Variants in KCNH7 observed in about 807,000 individuals in gnomAD.
The protein encoded by KCNH7 is voltage-gated inwardly rectifying potassium channel KCNH7.
In KCNH7, 49 loss-of-function variants were observed where a neutral mutation model predicts 120.8. The ratio of observed to expected loss-of-function variants is 0.41; its 90% confidence interval spans 0.32 to 0.51. The LOEUF is 0.51. Among genes scored for constraint, KCNH7 ranks in the 20% least tolerant of loss-of-function variants. KCNH7 has a pLI of 0.38. For missense variants in KCNH7, 1,097 were observed against 1,446.6 expected (o/e 0.76, Z 3.92); for synonymous variants, 547 against 516.1 (o/e 1.06, Z -0.81).
chr2:162,451,078 T>A (rs1409541305), intron 6 of KCNH7, among the ~76,000 whole-genome samples: 1 of 152,054 alleles, frequency 6.6e-6, no homozygotes. Context: ...AATTCTACAA[T>A]CTGGGTTTGA....
chr2:162,524,259 C>T (rs1431192989), intron 3 of KCNH7, among the ~76,000 whole-genome samples: 1 of 152,028 alleles, frequency 6.6e-6, no homozygotes, highest in African/African-American at 2.4e-5. Context: ...CAGAATTCTG[C>T]CAAATTGAAG....
At chr2:162,609,698 A>G (rs1682895870) in intron 2 of KCNH7, among the ~76,000 whole-genome samples, 1 of 152,018 alleles carries the variant, frequency 6.6e-6, no homozygotes, top group Non-Finnish European at 1.5e-5. Context: ...TTTTGAAGGG[A>G]GAGTTGGCAG....
At chr2:162,735,257 G>A (rs533679824) in intron 2 of KCNH7, among the ~76,000 whole-genome samples, 145 of 152,238 alleles carry the variant, frequency 9.5e-4, no homozygotes, top group Non-Finnish European at 2.0e-3. Context: ...GCTATGAGAG[G>A]AATTCACTTC....
intron 9 of KCNH7, among the ~76,000 whole-genome samples, chr2:162,405,082 G>A (rs1687169747): frequency 6.6e-6 from 1 of 151,930 alleles, no homozygotes; most frequent in Non-Finnish European, 1.5e-5. Flanking sequence ...TGGCTTGTAT[G>A]GGGAAAGATT....
chr2:162,612,969 T>G (rs1683019157), intron 2 of KCNH7, among the ~76,000 whole-genome samples: 2 of 151,952 alleles, frequency 1.3e-5, no homozygotes, highest in South Asian at 2.1e-4. Flanking sequence ...AATATGACAG[T>G]TTAAGGAACT....
chr2:162,702,946 G>A (rs996076471), intron 2 of KCNH7, among the ~76,000 whole-genome samples: 1 of 151,920 alleles, frequency 6.6e-6, no homozygotes. Flanking sequence ...GGAAATATAG[G>A]GCTCCCCAAG....
chr2:162,423,294 A>G (rs1558937168), intron 9 of KCNH7, 42 bp downstream of exon 9: 1 of 1,613,944 alleles, frequency 6.2e-7, no homozygotes, highest in East Asian at 2.2e-5. Flanking sequence ...CTATCACTAT[A>G]ATGCCTGCGG....
At chr2:162,398,729 G>C (rs987152566) in intron 10 of KCNH7, among the ~76,000 whole-genome samples, 3 of 151,856 alleles carry the variant, frequency 2.0e-5, no homozygotes, top group African/African-American at 4.8e-5. Context: ...TAGAAGCTAG[G>C]ACTGGCTGAC....
chr2:162,691,741 A>AC (rs1686111208), intron 2 of KCNH7, among the ~76,000 whole-genome samples: 1 of 152,042 alleles, frequency 6.6e-6, no homozygotes, highest in Non-Finnish European at 1.5e-5. Context: ...TCCTCAACAC[A>AC]CCCCACAACT....
intron 9 of KCNH7, among the ~76,000 whole-genome samples, chr2:162,403,310 A>G (rs1225334668): frequency 6.6e-6 from 1 of 151,958 alleles, no homozygotes; most frequent in Non-Finnish European, 1.5e-5. Context: ...TTTGTGCATC[A>G]TTGCATCACC....
At chr2:162,582,515 AACATACAGCGCTTTGACTCTG>A (rs1467727591) in intron 2 of KCNH7, among the ~76,000 whole-genome samples, 8 of 152,056 alleles carry the variant, frequency 5.3e-5, no homozygotes, top group African/African-American at 1.9e-4. Flanking sequence ...CAAGGCCGGG[AACATACAGCGCTTTGACTCTG>A]CAATCTAATT....
intron 2 of KCNH7, among the ~76,000 whole-genome samples, chr2:162,622,071 T>G (rs1215551203): frequency 6.6e-6 from 1 of 152,228 alleles, no homozygotes; most frequent in Non-Finnish European, 1.5e-5. Flanking sequence ...GTTCTATTCA[T>G]TCTCCTACTT....
rs1685675376 is a variant in KCNH7, at chr2:162,836,721, G to T, written c.123C>A (p.Ile41=). 1 of 1,614,020 alleles carries T rather than the reference G, an allele frequency of 6.2e-7. No homozygotes were observed. The highest frequency in any genetic ancestry group is 2.2e-5 in the East Asian group (1 of 44,840). ...IANARVQNCA[I]IYCNDGFCEM... ...CACAGAACCCATCGTTGCAATAAAT[G>T]ATGGCACAGTTCTGCACTCTGGCAT... Residue 41 remains isoleucine (I), a synonymous_variant, in exon 2 of 16, where the codon ATC becomes ATA. Transcript: ENST00000332142.
At chr2:162,430,008 C>G (rs1000450133) in intron 8 of KCNH7, among the ~76,000 whole-genome samples, 2 of 151,452 alleles carry the variant, frequency 1.3e-5, no homozygotes, top group African/African-American at 4.9e-5. Context: ...ATATTGGGCA[C>G]TATACATTTA....
intron 2 of KCNH7, among the ~76,000 whole-genome samples, chr2:162,749,813 A>G (rs1056644524): frequency 6.6e-6 from 1 of 152,220 alleles, no homozygotes; most frequent in Non-Finnish European, 1.5e-5. Context: ...TAGCATAGAA[A>G]TGATTAAAAT....
intron 2 of KCNH7, among the ~76,000 whole-genome samples, chr2:162,809,858 A>C (rs1464107805): frequency 6.6e-6 from 1 of 151,554 alleles, no homozygotes; most frequent in Non-Finnish European, 1.5e-5. Flanking sequence ...TTTAGTTGCT[A>C]TCGATTTAAA....
intron 9 of KCNH7, among the ~76,000 whole-genome samples, chr2:162,413,163 C>G (rs1687440036): frequency 6.6e-6 from 1 of 152,020 alleles, no homozygotes; most frequent in Non-Finnish European, 1.5e-5. Flanking sequence ...GAGTCCTGCT[C>G]TTGTCCCCCA....
intron 2 of KCNH7, chr2:162,538,187 T>C (rs1161888399): frequency 6.6e-6 from 1 of 152,104 alleles, no homozygotes; most frequent in Non-Finnish European, 1.5e-5. Context: ...CCAACACAAA[T>C]TTGTAAACTT....
At chr2:162,689,173 A>G (rs1686011576) in intron 2 of KCNH7, among the ~76,000 whole-genome samples, 1 of 132,502 alleles carries the variant, frequency 7.5e-6, no homozygotes, top group South Asian at 2.7e-4. Context: ...ATTATTTGAG[A>G]TGGAGTTTCA....
Sources: gnomAD v4.1 joint callset for allele counts (sites outside exome capture counted in the v4.1 genomes callset) on GRCh38, gnomAD v4.1.1 for gene constraint, MANE v1.5 for transcripts, NCBI Gene and HGNC (gene_info 2026-07-23, HGNC 2026-07-21) for gene names.